Variants in NYX observed in about 807,000 individuals in gnomAD.
The protein encoded by NYX is nyctalopin.
For synonymous variants in NYX, 258 were observed against 245.7 expected, an observed-to-expected ratio of 1.05 and a Z score of -0.47; for missense variants, 481 against 485.4, an observed-to-expected ratio of 0.99 and a Z score of 0.09.
chrX:41,472,145 T>A (rs2064363342), intron 2 of NYX: 1 of 392,874 alleles, frequency 2.5e-6, no homozygotes, highest in Non-Finnish European at 4.4e-6. Context: ...AAAGCTTGGC[T>A]CAAAATTCCA....
intron 2 of NYX, among the ~76,000 whole-genome samples, chrX:41,450,828 A>ATT (rs745395959): frequency 2.2e-4 from 15 of 68,192 alleles, no homozygotes; most frequent in Non-Finnish European, 3.9e-4. Flanking sequence ...ATATATATAT[A>ATT]TTTTTTTTTT....
intron 2 of NYX, among the ~76,000 whole-genome samples, chrX:41,454,109 C>T (rs2064290764): frequency 8.9e-6 from 1 of 111,747 alleles, no homozygotes; most frequent in African/African-American, 3.3e-5. Flanking sequence ...ATGCCTGATC[C>T]CACCCCTGAA....
At position 41,474,643 on chromosome X, in the gene NYX, C is replaced by T. The variant is rs1387621161; in HGVS notation, c.1175C>T (p.Ser392Phe). 2 of 1,199,081 alleles carry T rather than the reference C, an allele frequency of 1.7e-6. No individual in the cohort carries two copies. The highest frequency in any genetic ancestry group is 2.2e-6 in the Non-Finnish European group (2 of 889,705). The change falls in exon 3 of 3, where the codon TCC (serine) becomes TTC (phenylalanine). Residue 392 changes from serine to phenylalanine, a missense_variant. Transcript: ENST00000378220. ...VDPEELNLTT[S>F]SPGPSPEPAA... ...CCCGAGGAGCTGAACCTCACCACGT[C>T]CAGTCCAGGCCCGTCCCCAGAACCA...
At chrX:41,459,414 T>C (rs920951045) in intron 2 of NYX, among the ~76,000 whole-genome samples, 1 of 109,615 alleles carries the variant, frequency 9.1e-6, no homozygotes, top group Non-Finnish European at 1.9e-5. Context: ...AGGTCAGGAG[T>C]TCGAGACCAG....
rs1335308569 is a variant in NYX, at chrX:41,460,876, A to ATTCTTTTTTTTTTTTTTTT, written c.23-12613_23-12612insCTTTTTTTTTTTTTTTTTT. Among the ~76,000 whole-genome samples the ATTCTTTTTTTTTTTTTTTT allele has an allele frequency of 8.1e-5, 2 of 24,778 alleles. 1 individual carries two copies. Among genetic ancestry groups the ATTCTTTTTTTTTTTTTTTT allele is most frequent in the South Asian group, 0.01 (2 of 197 alleles). The allele number at this position is 24,778 out of a possible 115,157, so 21.5% of individuals were successfully genotyped here. ...ATGTAAGCGGAGTCACACAGTATGT[A>ATTCTTTTTTTTTTTTTTTT]TTTTTTTTTTTTTTTTTTTTTTTTT... is the stretch of plus-strand genomic sequence containing the variant. On this transcript the variant is annotated intron_variant, in intron 2 of 2. Coordinates refer to ENST00000378220, the MANE Select transcript of NYX (RefSeq NM_001378477.3).
intron 2 of NYX, among the ~76,000 whole-genome samples, chrX:41,460,878 T>TC (rs57251620): frequency 0.18 from 6,915 of 38,424 alleles, 627 homozygotes; most frequent in East Asian, 0.65. Flanking sequence ...CAGTATGTAT[T>TC]TTTTTTTTTT....
At chrX:41,460,175 T>C (rs997082541) in intron 2 of NYX, among the ~76,000 whole-genome samples, 1 of 108,401 alleles carries the variant, frequency 9.2e-6, no homozygotes, top group South Asian at 3.9e-4. Flanking sequence ...TTTTCTTTTT[T>C]TTTTTTTTTT....
chrX:41,463,865 C>T (rs2064329213), intron 2 of NYX, among the ~76,000 whole-genome samples: 1 of 111,808 alleles, frequency 8.9e-6, no homozygotes. Flanking sequence ...GCCACCGTGC[C>T]GGCCAGTAGT....
In NYX at chrX:41,464,004, G is replaced by A. The variant is rs767781521; in HGVS notation, c.23-9487G>A. Reference sequence around the variant, plus strand: ...TCATTTCCTGTGCAGAAGATCTGCTGGAGAAGAATTTTCTCAGATTTTGTT... The same window carrying A: ...TCATTTCCTGTGCAGAAGATCTGCTAGAGAAGAATTTTCTCAGATTTTGTT... On this transcript the variant is annotated intron_variant, in intron 2 of 2. Transcript: ENST00000378220. 2.7e-5 allele frequency among the ~76,000 whole-genome samples: 3 copies of A among 112,104 alleles called. No homozygotes were observed. The South Asian group carries it at 1.1e-3, about 41-fold the overall frequency.
chrX:41,461,983 G>A (rs751187132), intron 2 of NYX, among the ~76,000 whole-genome samples: 1 of 110,394 alleles, frequency 9.1e-6, no homozygotes, highest in East Asian at 2.9e-4. Flanking sequence ...TGTATTTTTA[G>A]TAGAGACGGG....
rs1311348782 is a variant in NYX at position 41,473,633 on chromosome X, C to T, written c.165C>T (p.Leu55=). The T allele has an allele frequency of 9.4e-7, 1 of 1,064,779 alleles. No individual in the cohort carries two copies. Among genetic ancestry groups the T allele is most frequent in the Non-Finnish European group, 1.2e-6 (1 of 825,624 alleles). The allele number at this position is 1,064,779 out of a possible 1,213,427, so 87.7% of individuals were successfully genotyped here. ...RAGLLRVPAE[L]PCEAVSIDLD... ...GCCTCCTGCGGGTGCCGGCCGAGCT[C>T]CCGTGCGAGGCGGTCTCCATCGACC... The change falls in exon 3 of 3, where the codon CTC becomes CTT. Residue 55 remains leucine, a synonymous_variant. Coordinates refer to ENST00000378220, the MANE Select transcript of NYX (RefSeq NM_001378477.3).
intron 2 of NYX, among the ~76,000 whole-genome samples, chrX:41,471,394 G>A (rs1274031799): frequency 8.9e-6 from 1 of 112,327 alleles, no homozygotes; most frequent in Non-Finnish European, 1.9e-5. Flanking sequence ...TTACAGGCGT[G>A]AGCCACCGCA....
At chrX:41,467,552 C>T (rs1018592856) in intron 2 of NYX, among the ~76,000 whole-genome samples, 26 of 109,614 alleles carry the variant, frequency 2.4e-4, no homozygotes, top group Admixed American at 2.3e-3. Context: ...CGGGGTTTCA[C>T]CATGTTGGCC....
rs1334576024 is a variant in NYX at position 41,474,133 on chromosome X, G to C, written c.665G>C (p.Gly222Ala). The C allele has an allele frequency of 2.6e-6, 3 of 1,133,952 alleles. No individual in the cohort carries two copies. The Admixed American group carries it at 8.4e-5, about 32-fold the overall frequency. The allele number at this position is 1,133,952 out of a possible 1,213,427, so 93.5% of individuals were successfully genotyped here. The change falls in exon 3 of 3, where the codon GGG becomes GCG. Residue 222 changes from glycine to alanine, a missense_variant. Transcript: ENST00000378220. ...RVRAVHAGAFGDCGVLEHLLL... is the reference protein window; with the variant it reads ...RVRAVHAGAFADCGVLEHLLL... ...CGTGCCGTGCACGCTGGCGCCTTCG[G>C]GGACTGTGGCGTCCTGGAGCATCTG...
chrX:41,462,012 G>T (rs2064322026), intron 2 of NYX, among the ~76,000 whole-genome samples: 1 of 111,025 alleles, frequency 9.0e-6, no homozygotes, highest in South Asian at 3.8e-4. Context: ...ATATTGGCCA[G>T]GCTAGTCTTG....
chrX:41,457,579 CA>C (rs200928085), intron 2 of NYX, among the ~76,000 whole-genome samples: 27,823 of 110,189 alleles, frequency 0.25, 2,709 homozygotes, highest in East Asian at 0.44. Context: ...CCTGCTCCCC[CA>C]TAACTTTGAC....
At chrX:41,473,088 G>A in intron 2 of NYX, among the ~76,000 whole-genome samples, 1 of 112,093 alleles carries the variant, frequency 8.9e-6, no homozygotes, top group Non-Finnish European at 1.9e-5. Context: ...GTGAGCCACT[G>A]CGACCGGTCA....
intron 2 of NYX, among the ~76,000 whole-genome samples, 194 bp downstream of exon 2, chrX:41,448,120 T>A (rs977178511): frequency 1.3e-4 from 14 of 111,674 alleles, no homozygotes; most frequent in Admixed American, 4.8e-4. Context: ...GATTTTTGTT[T>A]CCTAAAAACA....
In NYX at chrX:41,474,595, C is replaced by T; in HGVS notation, c.1127C>T (p.Ser376Phe). 2 of 1,197,228 alleles carry T rather than the reference C, an allele frequency of 1.7e-6. No individual in the cohort carries two copies. The highest frequency in any genetic ancestry group is 2.3e-6 in the Non-Finnish European group (2 of 888,820). Residue 376 changes from serine to phenylalanine, a missense_variant, in exon 3 of 3, where the codon TCC becomes TTC. Transcript: ENST00000378220. ...CTCAGCCAGGTGACCTTCGGGCGCT[C>T]CTCCGATGGCCTCTGTGTGGACCCC... ...LDLSQVTFGR[S>F]SDGLCVDPEE...
Sources: gnomAD v4.1 joint callset for allele counts (sites outside exome capture counted in the v4.1 genomes callset) on GRCh38, gnomAD v4.1.1 for gene constraint, MANE v1.5 for transcripts, NCBI Gene and HGNC (gene_info 2026-07-23, HGNC 2026-07-21) for gene names.